RFFL: variants seen among roughly 807,000 people sequenced by gnomAD.
The protein encoded by RFFL is E3 ubiquitin-protein ligase rififylin.
A neutral mutation model predicts 40.4 loss-of-function variants in RFFL; 16 were observed. The ratio of observed to expected loss-of-function variants is 0.40; its 90% confidence interval spans 0.27 to 0.60. The LOEUF is 0.60. Ranked by LOEUF, RFFL falls within the 20% of genes least tolerant of loss-of-function variation. RFFL has a pLI of 0.47. For synonymous variants in RFFL, 154 were observed against 167.9 expected (o/e 0.92, Z 0.64); for missense variants, 367 against 451.7 (o/e 0.81, Z 1.70).
intron 1 of RFFL, among the ~76,000 whole-genome samples, chr17:35,057,445 G>C (rs2091267724): frequency 6.6e-6 from 1 of 151,424 alleles, no homozygotes; most frequent in Non-Finnish European, 1.5e-5. Context: ...ATTCTCCCTA[G>C]CTCTTTTCAC....
intron 1 of RFFL, among the ~76,000 whole-genome samples, chr17:35,042,585 G>A (rs2091173261): frequency 6.6e-6 from 1 of 152,072 alleles, no homozygotes; most frequent in Admixed American, 6.5e-5. Context: ...ACTTTGGGAG[G>A]CCAAGGCAGG....
chr17:35,084,665 A>G (rs797991), intron 1 of RFFL, among the ~76,000 whole-genome samples: 106,769 of 151,082 alleles, frequency 0.71, 39,102 homozygotes, highest in African/African-American at 0.92. Flanking sequence ...TGAGGCGGGC[A>G]GATCACATGA....
intron 5 of RFFL, 60 bp from the exon 6 acceptor site, chr17:35,014,823 C>T (rs1201372762): frequency 1.3e-6 from 2 of 1,503,556 alleles, no homozygotes; most frequent in African/African-American, 1.4e-5. Flanking sequence ...AATACAGTCT[C>T]TTACTGCCCT....
chr17:35,034,205 C>T (rs2091104991), intron 1 of RFFL, among the ~76,000 whole-genome samples: 1 of 151,486 alleles, frequency 6.6e-6, no homozygotes, highest in African/African-American at 2.4e-5. Flanking sequence ...CATGGTGGCA[C>T]GCACCTGTAG....
At chr17:35,073,621 T>C (rs185629444) in intron 1 of RFFL, among the ~76,000 whole-genome samples, 59 of 152,330 alleles carry the variant, frequency 3.9e-4, no homozygotes, top group African/African-American at 1.4e-3. Context: ...CTACACTGAC[T>C]CAGGCTTCTT....
chr17:35,030,305 C>T (rs2091074302), intron 1 of RFFL, among the ~76,000 whole-genome samples: 1 of 149,136 alleles, frequency 6.7e-6, no homozygotes, highest in Admixed American at 6.7e-5. Flanking sequence ...TACAGTCCCA[C>T]CAACAGTGTA....
At chr17:35,048,500 T>C (rs1330769562) in intron 1 of RFFL, among the ~76,000 whole-genome samples, 1 of 152,186 alleles carries the variant, frequency 6.6e-6, no homozygotes, top group South Asian at 2.1e-4. Context: ...CCTCTAAGAA[T>C]TAAATGACTA....
At chr17:35,075,983 A>ATTTTTTTTTTTTTTTTTTTTTT (rs1485493411) in intron 1 of RFFL, among the ~76,000 whole-genome samples, 1 of 124,700 alleles carries the variant, frequency 8.0e-6, no homozygotes, top group African/African-American at 3.4e-5. Context: ...CTATCAATTT[A>ATTTTTTTTTTTTTTTTTTTTTT]TTCTTTTTTT....
chr17:35,051,557 G>A (rs1170712789), intron 1 of RFFL, among the ~76,000 whole-genome samples: 2 of 152,180 alleles, frequency 1.3e-5, no homozygotes, highest in Non-Finnish European at 2.9e-5. Context: ...AACCAATCAT[G>A]AGTGTCTAAG....
chr17:35,022,973 G>C (rs1459517675), intron 2 of RFFL, among the ~76,000 whole-genome samples: 2 of 152,198 alleles, frequency 1.3e-5, no homozygotes, highest in African/African-American at 4.8e-5. Flanking sequence ...CAGCCCACAG[G>C]AAGCAATCCT....
chr17:35,018,278 T>C (rs1371609292), intron 3 of RFFL, among the ~76,000 whole-genome samples: 1 of 152,234 alleles, frequency 6.6e-6, no homozygotes, highest in African/African-American at 2.4e-5. Context: ...AAGAGTATTT[T>C]AATGTATCTA....
intron 1 of RFFL, among the ~76,000 whole-genome samples, chr17:35,077,695 G>A (rs183860430): frequency 1.0e-3 from 153 of 152,288 alleles, no homozygotes; most frequent in Non-Finnish European, 1.9e-3. Context: ...CAGCAAGGAG[G>A]CACCCTGGCA....
intron 1 of RFFL, among the ~76,000 whole-genome samples, chr17:35,088,440 T>G (rs769901089): frequency 1.3e-5 from 2 of 152,216 alleles, no homozygotes; most frequent in South Asian, 4.1e-4. Flanking sequence ...GCGGAGGCTC[T>G]GGCTCCCCTG....
chr17:35,084,131 T>C (rs757127691), intron 1 of RFFL, among the ~76,000 whole-genome samples: 14 of 152,046 alleles, frequency 9.2e-5, no homozygotes, highest in Non-Finnish European at 2.1e-4. Context: ...CCCAGCTACT[T>C]GGGAGACGGA....
At chr17:35,026,855 G>A (rs766407252) in intron 1 of RFFL, among the ~76,000 whole-genome samples, 3 of 152,126 alleles carry the variant, frequency 2.0e-5, no homozygotes, top group East Asian at 1.9e-4. Context: ...ACAGGTGCCC[G>A]CCATCACGCC....
chr17:35,085,616 A>T (rs2091425556), intron 1 of RFFL, among the ~76,000 whole-genome samples: 1 of 152,134 alleles, frequency 6.6e-6, no homozygotes, highest in Non-Finnish European at 1.5e-5. Context: ...TTCAGTAGAA[A>T]CAGGGTTTCA....
At chr17:35,085,371 A>G (rs2091424250) in intron 1 of RFFL, among the ~76,000 whole-genome samples, 1 of 152,164 alleles carries the variant, frequency 6.6e-6, no homozygotes, top group Non-Finnish European at 1.5e-5. Flanking sequence ...GCAGGAAAAA[A>G]CAGCTTTTGT....
At chr17:35,026,787 C>A (rs768377963) in intron 1 of RFFL, among the ~76,000 whole-genome samples, 37 of 152,148 alleles carry the variant, frequency 2.4e-4, no homozygotes, top group Non-Finnish European at 4.7e-4. Flanking sequence ...CTCATCACAA[C>A]CTCCGCCTCC....
intron 1 of RFFL, among the ~76,000 whole-genome samples, chr17:35,052,544 G>A (rs2091237851): frequency 6.6e-6 from 1 of 151,932 alleles, no homozygotes; most frequent in Non-Finnish European, 1.5e-5. Context: ...CAGTGCAAGG[G>A]AAAACACAGG....
Sources: allele counts gnomAD v4.1 joint callset (sites outside exome capture counted in the v4.1 genomes callset), GRCh38; gene constraint gnomAD v4.1.1; transcripts MANE v1.5; gene names NCBI Gene and HGNC (gene_info 2026-07-23, HGNC 2026-07-21).